DIS3L2: variants seen among roughly 807,000 people sequenced by gnomAD.
DIS3L2 encodes DIS3-like exonuclease 2.
In DIS3L2, 34 loss-of-function variants were observed where a neutral mutation model predicts 97.5. The ratio of observed to expected loss-of-function variants is 0.35; its 90% CI spans 0.27 to 0.46. DIS3L2 has a LOEUF of 0.46. Ranked by LOEUF, DIS3L2 falls within the 20% of genes least tolerant of loss-of-function variation. The probability of loss-of-function intolerance (pLI) is 1.00; values close to 1 mark genes in which losing one functional copy is unlikely to be tolerated. For synonymous variants in DIS3L2, 435 were observed against 445.2 expected, an observed-to-expected ratio of 0.98 and a Z score of 0.29; for missense variants, 1,038 against 1,146.0, an observed-to-expected ratio of 0.91 and a Z score of 1.36.
rs1026297316 is a variant in DIS3L2, at chr2:232,276,831, G to A, written c.1659+13391G>A. Among the ~76,000 whole-genome samples the A allele has an allele frequency of 1.3e-5, 2 of 152,180 alleles. No homozygotes were observed. Among genetic ancestry groups the A allele is most frequent in the Non-Finnish European group, 2.9e-5 (2 of 68,034 alleles). On this transcript the variant is annotated intron_variant, in intron 13 of 20. Transcript: ENST00000325385. The surrounding 1 kb of genome is among the most constrained non-coding windows in gnomAD (Gnocchi z 4.4). The stretch of plus-strand genomic sequence containing the variant: ...CAGTACCTACGTTATAGGAATATTA[G>A]GTTAGATGAGATGTACCCGTAAAAC...
At position 232,276,875 on chromosome 2, in the gene DIS3L2, C is replaced by A. The variant is rs1694156198; in HGVS notation, c.1659+13435C>A. 6.6e-6 allele frequency among the ~76,000 whole-genome samples: 1 copy of A among 152,182 alleles called. No homozygotes were observed. The highest frequency in any genetic ancestry group is 6.5e-5 in the Admixed American group (1 of 15,282). The stretch of plus-strand genomic sequence containing the variant: ...GTAAAACACTTGGAACAGTGCCTGA[C>A]ACATAGCAAGCACCCAGCAGGGATT... On this transcript the variant is annotated intron_variant, in intron 13 of 20. Coordinates refer to ENST00000325385, the MANE Select transcript of DIS3L2 (RefSeq NM_152383.5). The surrounding 1 kb of genome is among the most constrained non-coding windows in gnomAD (Gnocchi z 4.4).
At chr2:232,185,032 C>T (rs1691397595) in intron 9 of DIS3L2, among the ~76,000 whole-genome samples, 1 of 152,148 alleles carries the variant, frequency 6.6e-6, no homozygotes, top group South Asian at 2.1e-4. Context: ...CCATAATGTA[C>T]CTAATTTACT....
At chr2:232,229,899 C>A (rs1256897820) in intron 10 of DIS3L2, among the ~76,000 whole-genome samples, 2 of 152,118 alleles carry the variant, frequency 1.3e-5, no homozygotes, top group South Asian at 2.1e-4. Flanking sequence ...GAAGAAAATC[C>A]AGACTCTTCA....
intron 14 of DIS3L2, among the ~76,000 whole-genome samples, chr2:232,302,303 G>A (rs1301422644): frequency 1.3e-5 from 2 of 151,746 alleles, no homozygotes; most frequent in Non-Finnish European, 2.9e-5. Flanking sequence ...GAGTTAATGG[G>A]TGCAGCACAT....
At position 231,968,477 on chromosome 2, in the gene DIS3L2, G is replaced by A. The variant is rs1364320685; in HGVS notation, c.-94+6712G>A. ...TTATATAAATGGAACCACACAATAT[G>A]TAGTTATCCTTCTTTCACTCAGCAT... On this transcript the variant is annotated intron_variant, in intron 1 of 20. Coordinates refer to ENST00000325385, the MANE Select transcript of DIS3L2 (RefSeq NM_152383.5). Among the ~76,000 whole-genome samples, 4 of 152,190 alleles carry A rather than the reference G, an allele frequency of 2.6e-5. No homozygotes were observed. In the East Asian group the frequency reaches 7.7e-4, roughly 29 times the overall value.
chr2:232,122,479 G>T (rs1392572004), intron 6 of DIS3L2, among the ~76,000 whole-genome samples: 1 of 152,190 alleles, frequency 6.6e-6, no homozygotes. Context: ...CATTTTGGAA[G>T]GCCGAGGTGG....
chr2:232,029,000 T>C (rs557756331), intron 4 of DIS3L2, among the ~76,000 whole-genome samples: 2 of 152,278 alleles, frequency 1.3e-5, no homozygotes, highest in South Asian at 2.1e-4. Flanking sequence ...CCCCTCCCCC[T>C]TTTTTTGATT....
intron 1 of DIS3L2, among the ~76,000 whole-genome samples, chr2:231,974,445 ATTT>A (rs554471283): frequency 6.9e-6 from 1 of 144,274 alleles, no homozygotes; most frequent in African/African-American, 2.6e-5. Flanking sequence ...GAAGTTCCTA[ATTT>A]TTTTTTTCTG....
rs1202187187 is a variant in DIS3L2, at chr2:232,051,620, G to A, written c.366+21540G>A. Among the ~76,000 whole-genome samples, 5 of 151,420 alleles carry A rather than the reference G, an allele frequency of 3.3e-5. No individual in the cohort carries two copies. In the East Asian group the frequency reaches 5.9e-4, roughly 18 times the overall value. ...GAGGTCAGGAGATCGAGACCATCCC[G>A]GCTAAAACGGTGAAACACCGTCTCT... On this transcript the variant is annotated intron_variant, in intron 5 of 20. Coordinates refer to ENST00000325385, the MANE Select transcript of DIS3L2 (RefSeq NM_152383.5).
chr2:232,252,404 C>T lies in DIS3L2; in HGVS notation c.1425+3058C>T, dbSNP rs576316133. Among the ~76,000 whole-genome samples, 105 of 151,950 alleles carry T rather than the reference C, an allele frequency of 6.9e-4. 1 individual carries two copies. The East Asian group carries it at 0.013, about 18-fold the overall frequency. ...AGCTTGGGCAGTAAGAGTGAAACTC[C>T]GTCTGAAAAAAATAAAAGAAAAAGA... is the stretch of plus-strand genomic sequence containing the variant. On this transcript the variant is annotated intron_variant, in intron 12 of 20. Coordinates refer to ENST00000325385, the MANE Select transcript of DIS3L2 (RefSeq NM_152383.5).
Position 232,014,970 on chromosome 2 carries a change from A to T in DIS3L2, c.43A>T (p.Thr15Ser). ...DYRMNLRPLG[T>S]PRGVSAVAGP... ...CAGAATGAACCTCCGGCCCCTGGGG[A>T]CCCCCAGAGGTAGTAAAAGGAAAAT... The change falls in exon 2 of 21, where the codon ACC becomes TCC. Residue 15 changes from threonine to serine, a missense_variant. This residue lies in a region of DIS3L2 where 813 missense variants were observed against 880.1 expected (regional missense o/e 0.92). Transcript: ENST00000325385. The T allele has an allele frequency of 1.2e-6, 2 of 1,613,938 alleles. No homozygotes were observed. Among genetic ancestry groups the T allele is most frequent in the Non-Finnish European group, 1.7e-6 (2 of 1,179,934 alleles).
chr2:232,158,036 T>G (rs1011039129), intron 8 of DIS3L2, among the ~76,000 whole-genome samples: 4 of 152,164 alleles, frequency 2.6e-5, no homozygotes, highest in African/African-American at 7.2e-5. Flanking sequence ...TACTCCAATC[T>G]TTCTTCTTTC....
At chr2:232,155,071 T>C (rs1207499400) in intron 8 of DIS3L2, among the ~76,000 whole-genome samples, 1 of 150,560 alleles carries the variant, frequency 6.6e-6, no homozygotes, top group Non-Finnish European at 1.5e-5. Flanking sequence ...TCGCGCACGG[T>C]GAGCACACAC....
At chr2:232,051,618 C>G (rs1695403430) in intron 5 of DIS3L2, among the ~76,000 whole-genome samples, 2 of 151,244 alleles carry the variant, frequency 1.3e-5, no homozygotes, top group South Asian at 4.2e-4. Flanking sequence ...CGAGACCATC[C>G]CGGCTAAAAC....
chr2:231,964,621 C>T (rs1027654160), intron 1 of DIS3L2, among the ~76,000 whole-genome samples: 2 of 152,028 alleles, frequency 1.3e-5, no homozygotes, highest in Admixed American at 6.6e-5. Flanking sequence ...GCGTGTGAAC[C>T]GTTTTTGGAA....
At chr2:232,137,339 T>C (rs1187533990) in intron 8 of DIS3L2, among the ~76,000 whole-genome samples, 1 of 152,232 alleles carries the variant, frequency 6.6e-6, no homozygotes, top group Non-Finnish European at 1.5e-5. Flanking sequence ...CCCAGTTGTT[T>C]GACCAAATGC....
intron 13 of DIS3L2, among the ~76,000 whole-genome samples, chr2:232,265,507 G>A (rs182024546): frequency 1.9e-4 from 29 of 152,348 alleles, no homozygotes; most frequent in Admixed American, 1.7e-3. Context: ...AGGTGGCACC[G>A]GCTGTCTAGT....
intron 5 of DIS3L2, among the ~76,000 whole-genome samples, chr2:232,069,284 G>A (rs1169713158): frequency 5.3e-5 from 8 of 152,132 alleles, no homozygotes; most frequent in Admixed American, 5.2e-4. Context: ...CCTGAATGAT[G>A]TTATATCTCT....
At chr2:232,339,299 G>C (rs1052118403), downstream of DIS3L2, among the ~76,000 whole-genome samples, 2 of 152,192 alleles carry the variant, frequency 1.3e-5, no homozygotes, top group African/African-American at 4.8e-5. Context: ...GGGCGCCAGA[G>C]GAGGCGAGGC....
Sources: gnomAD v4.1 joint callset for allele counts (sites outside exome capture counted in the v4.1 genomes callset) on GRCh38, gnomAD v4.1.1 for gene constraint, gnomAD v4.1.1 regional missense constraint, Gnocchi (gnomAD v3.1) non-coding constraint, MANE v1.5 for transcripts, NCBI Gene and HGNC (gene_info 2026-07-23, HGNC 2026-07-21) for gene names.